CSMD1: variants seen among roughly 807,000 people sequenced by gnomAD.
CSMD1 encodes CUB and sushi domain-containing protein 1.
In CSMD1, 213 loss-of-function variants were observed where a neutral mutation model predicts 417.5. The ratio of observed to expected loss-of-function variants is 0.51; its 90% confidence interval spans 0.46 to 0.57. The LOEUF is 0.57. Ranked by LOEUF, CSMD1 falls within the 20% of genes least tolerant of loss-of-function variation. The pLI is 0.00. For synonymous variants in CSMD1, 2,862 were observed against 1,736.8 expected (o/e 1.65, Z -16.11); for missense variants, 6,923 against 4,529.7 (o/e 1.53, Z -15.17).
chr8:4,375,071 T>A (rs1404149859), intron 3 of CSMD1, among the ~76,000 whole-genome samples: 5 of 146,570 alleles, frequency 3.4e-5, no homozygotes, highest in African/African-American at 1.3e-4. Context: ...AGAAAAGGAG[T>A]GATGAATATT....
intron 4 of CSMD1, among the ~76,000 whole-genome samples, chr8:4,003,131 T>C (rs1179329436): frequency 6.6e-6 from 1 of 152,176 alleles, no homozygotes; most frequent in African/African-American, 2.4e-5. Flanking sequence ...CGGTGGCTGA[T>C]GCCTGTAGTC....
At chr8:4,342,125 C>G (rs565217608) in intron 3 of CSMD1, among the ~76,000 whole-genome samples, 1 of 152,030 alleles carries the variant, frequency 6.6e-6, no homozygotes, top group Non-Finnish European at 1.5e-5. Context: ...CAATCTCTAA[C>G]AAGACAAGAA....
intron 3 of CSMD1, among the ~76,000 whole-genome samples, chr8:4,403,856 C>T (rs1804826884): frequency 6.6e-6 from 1 of 152,132 alleles, no homozygotes; most frequent in African/African-American, 2.4e-5. Flanking sequence ...TGGGAATTTA[C>T]ATTTAACTTG....
At position 3,847,620 on chromosome 8, in the gene CSMD1, T is replaced by C. The variant is rs531399398; in HGVS notation, c.819-93578A>G. Among the ~76,000 whole-genome samples the C allele has an allele frequency of 2.0e-4, 31 of 152,258 alleles. No individual in the cohort carries two copies. The East Asian group carries it at 5.4e-3, about 27-fold the overall frequency. On this transcript the variant is annotated intron_variant, in intron 5 of 69. Coordinates refer to ENST00000635120, the MANE Select transcript of CSMD1 (RefSeq NM_033225.6). ...TAAGGGGTCCTTGATTCCAGACCGA[T>C]GGAGCCCCGAGAAAACACGGATGCA... is the stretch of plus-strand genomic sequence containing the variant.
chr8:3,624,116 C>T (rs972275953), intron 7 of CSMD1, among the ~76,000 whole-genome samples: 1 of 151,914 alleles, frequency 6.6e-6, no homozygotes, highest in Non-Finnish European at 1.5e-5. Flanking sequence ...TAAAAGTTGC[C>T]TTCCTTTCAT....
chr8:3,086,085 G>C (rs904890410), intron 49 of CSMD1, among the ~76,000 whole-genome samples: 2 of 152,166 alleles, frequency 1.3e-5, no homozygotes, highest in Middle Eastern at 3.4e-3. Flanking sequence ...CTGAAGTTGG[G>C]TCTCTTCAGC....
In CSMD1 at chr8:3,710,752, C is replaced by G. The variant is rs549209726; in HGVS notation, c.932-2261G>C. 1.2e-3 allele frequency among the ~76,000 whole-genome samples: 176 copies of G among 152,290 alleles called. 3 individuals are homozygous for G. In the Middle Eastern group the frequency reaches 0.024, roughly 21 times the overall value. ...CATCCTCCAACCTTCCAAAAGCCAT[C>G]TGAGATAGGAATTATGACACCGCCA... is the stretch of plus-strand genomic sequence containing the variant. On this transcript the variant is annotated intron_variant, in intron 6 of 69. Transcript: ENST00000635120.
At chr8:3,909,103 G>C (rs562905858) in intron 5 of CSMD1, among the ~76,000 whole-genome samples, 5 of 152,296 alleles carry the variant, frequency 3.3e-5, no homozygotes, top group South Asian at 2.1e-4. Flanking sequence ...CACTGGGCTG[G>C]AGACAACTAA....
intron 5 of CSMD1, among the ~76,000 whole-genome samples, chr8:3,931,924 G>A (rs995671273): frequency 3.4e-5 from 5 of 148,698 alleles, no homozygotes; most frequent in Admixed American, 6.7e-5. Flanking sequence ...AAAGATCACA[G>A]AACCCAATTG....
intron 5 of CSMD1, among the ~76,000 whole-genome samples, chr8:3,792,739 C>T (rs537856200): frequency 1.3e-5 from 2 of 152,142 alleles, no homozygotes; most frequent in Admixed American, 6.6e-5. Context: ...AACCAGAATG[C>T]TCATTTTCTG....
At chr8:3,678,871 G>C (rs867940526) in intron 7 of CSMD1, among the ~76,000 whole-genome samples, 1 of 152,128 alleles carries the variant, frequency 6.6e-6, no homozygotes, top group Non-Finnish European at 1.5e-5. Flanking sequence ...GAAAAGACTG[G>C]GGGCCAATAT....
chr8:3,470,910 A>C (rs1817056389), intron 11 of CSMD1, among the ~76,000 whole-genome samples: 1 of 152,146 alleles, frequency 6.6e-6, no homozygotes, highest in African/African-American at 2.4e-5. Flanking sequence ...CAGCTTGCTT[A>C]ATTAACCACC....
chr8:3,305,844 T>G (rs1274307553), intron 25 of CSMD1, among the ~76,000 whole-genome samples: 4 of 152,048 alleles, frequency 2.6e-5, no homozygotes, highest in Admixed American at 2.6e-4. Context: ...CACGTGTGGC[T>G]AATTTTTTTG....
chr8:3,083,602 C>T (rs1359442200), intron 49 of CSMD1, among the ~76,000 whole-genome samples: 1 of 86,352 alleles, frequency 1.2e-5, no homozygotes, highest in African/African-American at 4.7e-5. Context: ...TGACAGTTAC[C>T]ATAATTTTTA....
Position 3,359,229 on chromosome 8 carries a change from C to T in CSMD1, c.3227G>A (p.Arg1076His), listed in dbSNP as rs748686121. Reference sequence around the variant, plus strand: ...GGTAAGCTTGGTGGCACCTTCTAAACGATATCCCAGGAAGCAGGAAAACGT... The same window carrying T: ...GGTAAGCTTGGTGGCACCTTCTAAATGATATCCCAGGAAGCAGGAAAACGT... Reference protein sequence around the residue: ...SLTFSCFLGYRLEGATKLTCL... With the variant: ...SLTFSCFLGYHLEGATKLTCL... The change falls in exon 21 of 70, where the codon CGT becomes CAT. Residue 1076 changes from arginine to histidine, a missense_variant. Arg to His is a conservative substitution (Grantham distance 29). Transcript: ENST00000635120. 32 of 1,613,756 alleles carry T rather than the reference C, an allele frequency of 2.0e-5. No individual in the cohort carries two copies. The highest frequency in any genetic ancestry group is 9.3e-5 in the African/African-American group (7 of 74,900).
At chr8:4,831,609 C>G (rs1800152074) in intron 1 of CSMD1, among the ~76,000 whole-genome samples, 1 of 151,980 alleles carries the variant, frequency 6.6e-6, no homozygotes, top group Non-Finnish European at 1.5e-5. Flanking sequence ...TCCACAGCCA[C>G]CTGGTGACAC....
chr8:4,979,607 A>G (rs563011819), intron 1 of CSMD1, among the ~76,000 whole-genome samples: 1 of 152,372 alleles, frequency 6.6e-6, no homozygotes, highest in South Asian at 2.1e-4. Flanking sequence ...AAGAAATCTA[A>G]AAATGCAATT....
At chr8:4,341,397 C>T (rs1379077245) in intron 3 of CSMD1, among the ~76,000 whole-genome samples, 1 of 152,018 alleles carries the variant, frequency 6.6e-6, no homozygotes, top group Non-Finnish European at 1.5e-5. Context: ...CTGAAGAAAG[C>T]CTTGAACTCA....
chr8:3,283,573 C>G (rs1387507114), intron 26 of CSMD1, among the ~76,000 whole-genome samples: 2 of 152,124 alleles, frequency 1.3e-5, no homozygotes, highest in South Asian at 2.1e-4. Flanking sequence ...TTTGAGGAAA[C>G]TGCAGAAGCA....
Sources: allele counts gnomAD v4.1 joint callset (sites outside exome capture counted in the v4.1 genomes callset), GRCh38; gene constraint gnomAD v4.1.1; transcripts MANE v1.5; gene names NCBI Gene and HGNC (gene_info 2026-07-23, HGNC 2026-07-21).